The following FBXO4 variants were observed in gnomAD, a reference collection of about 807,000 sequenced individuals.
The protein encoded by FBXO4 is F-box only protein 4.
A neutral mutation model predicts 43.7 loss-of-function variants in FBXO4; 36 were observed. The ratio of observed to expected loss-of-function variants is 0.82; its 90% confidence interval spans 0.63 to 1.09. FBXO4 has a LOEUF of 1.09. Among genes scored for constraint, FBXO4 ranks in the 50% least tolerant of loss-of-function variants. The pLI, the probability that FBXO4 is intolerant of heterozygous loss-of-function variation, is 0.00. For missense variants in FBXO4, 435 were observed against 474.1 expected (o/e 0.92, Z 0.77); for synonymous variants, 180 against 165.6 (o/e 1.09, Z -0.67).
chr5:41,939,453 A>T lies in FBXO4; in HGVS notation c.911A>T (p.Gln304Leu), dbSNP rs750490902. 6.2e-7 allele frequency: 1 copy of T among 1,609,544 alleles called. No homozygotes were observed. The highest frequency in any genetic ancestry group is 2.2e-5 in the East Asian group (1 of 44,836). ...TTACATTCCTTAGGACATGAATGGC[A>T]AGATGAATTTTCTCATATTATGGCA... The part of the protein sequence containing the change: ...NAEAHKRHEW[Q>L]DEFSHIMAMT... The change falls in exon 6 of 7, where the codon CAA becomes CTA. Residue 304 changes from glutamine to leucine, a missense_variant. Physicochemically the swap from Gln to Leu is moderately radical, Grantham distance 113. Transcript: ENST00000281623.
intron 5 of FBXO4, among the ~76,000 whole-genome samples, chr5:41,939,100 G>GC (rs1751929219): frequency 6.6e-6 from 1 of 152,170 alleles, no homozygotes; most frequent in Non-Finnish European, 1.5e-5. Context: ...TTAAAATTCT[G>GC]CCTACCACAA....
At chr5:42,033,106 C>T in the FBXO4 span, among the ~76,000 whole-genome samples, 1 of 152,136 alleles carries the variant, frequency 6.6e-6, no homozygotes, top group Admixed American at 6.5e-5. Flanking sequence ...ACAAATTCCT[C>T]CCCACTGTTC....
At chr5:41,976,910 T>G in the FBXO4 span, among the ~76,000 whole-genome samples, 1 of 152,338 alleles carries the variant, frequency 6.6e-6, no homozygotes, top group African/African-American at 2.4e-5. Context: ...CTGTGAAATC[T>G]AGGAGAAAGC....
At chr5:41,966,226 A>G in the FBXO4 span, among the ~76,000 whole-genome samples, 1 of 152,186 alleles carries the variant, frequency 6.6e-6, no homozygotes, top group Non-Finnish European at 1.5e-5. Context: ...CAGCACACCA[A>G]CATGGCACAT....
the FBXO4 span, among the ~76,000 whole-genome samples, chr5:41,951,013 G>A: frequency 6.6e-6 from 1 of 152,130 alleles, no homozygotes. Context: ...GTTGAGCAAT[G>A]AGAACACATG....
At chr5:41,997,328 G>A in the FBXO4 span, among the ~76,000 whole-genome samples, 4 of 152,210 alleles carry the variant, frequency 2.6e-5, no homozygotes, top group Non-Finnish European at 5.9e-5. Context: ...ATGAGATGTG[G>A]TGAGAATCAC....
chr5:41,925,547 G>C, intron 1 of FBXO4, 49 bp downstream of exon 1: 1 of 1,270,348 alleles, frequency 7.9e-7, no homozygotes, highest in South Asian at 2.6e-5. Flanking sequence ...GGCCCGGGCC[G>C]GAGGGACCTC....
At chr5:41,955,011 C>T in the FBXO4 span, among the ~76,000 whole-genome samples, 1 of 152,068 alleles carries the variant, frequency 6.6e-6, no homozygotes, top group Non-Finnish European at 1.5e-5. Flanking sequence ...TATGACACTC[C>T]CTCTCCAGAG....
chr5:42,000,661 C>A, the FBXO4 span, among the ~76,000 whole-genome samples: 1 of 152,088 alleles, frequency 6.6e-6, no homozygotes, highest in South Asian at 2.1e-4. Context: ...ATTGCCAAGA[C>A]CAACGACAAA....
At chr5:41,955,920 A>T in the FBXO4 span, among the ~76,000 whole-genome samples, 4 of 152,202 alleles carry the variant, frequency 2.6e-5, no homozygotes, top group African/African-American at 9.6e-5. Context: ...TCTAGACTCA[A>T]TACTGCTCTG....
chr5:42,001,391 A>G, the FBXO4 span, among the ~76,000 whole-genome samples: 1 of 152,060 alleles, frequency 6.6e-6, no homozygotes, highest in Non-Finnish European at 1.5e-5. Flanking sequence ...CACCATGCGC[A>G]GCTCATTTTG....
the FBXO4 span, among the ~76,000 whole-genome samples, chr5:42,004,943 A>T: frequency 6.6e-6 from 1 of 152,138 alleles, no homozygotes; most frequent in Admixed American, 6.6e-5. Context: ...GGACGGAGGC[A>T]TTGATTGATT....
chr5:41,978,881 T>A, the FBXO4 span, among the ~76,000 whole-genome samples: 11 of 152,234 alleles, frequency 7.2e-5, no homozygotes, highest in Admixed American at 2.0e-4. Flanking sequence ...TTCTTGGAAC[T>A]TGGTGTTGAG....
At chr5:42,010,549 A>G in the FBXO4 span, among the ~76,000 whole-genome samples, 3 of 152,014 alleles carry the variant, frequency 2.0e-5, no homozygotes, top group East Asian at 5.8e-4. Flanking sequence ...TAAGACTGAA[A>G]AATATTTCAC....
the FBXO4 span, among the ~76,000 whole-genome samples, chr5:42,012,064 A>G: frequency 6.6e-6 from 1 of 152,346 alleles, no homozygotes; most frequent in Non-Finnish European, 1.5e-5. Context: ...AGGTTTCAGA[A>G]GAAAAGTTAT....
the FBXO4 span, among the ~76,000 whole-genome samples, chr5:41,986,976 C>G: frequency 6.6e-6 from 1 of 152,108 alleles, no homozygotes; most frequent in Non-Finnish European, 1.5e-5. Flanking sequence ...AAAATGTCCT[C>G]TAGTTTAAAT....
the FBXO4 span, among the ~76,000 whole-genome samples, chr5:42,017,860 T>C: frequency 6.6e-6 from 1 of 152,110 alleles, no homozygotes; most frequent in African/African-American, 2.4e-5. Flanking sequence ...GGCACCTATA[T>C]TGATTCCATC....
At chr5:42,019,718 A>G in the FBXO4 span, among the ~76,000 whole-genome samples, 3 of 151,762 alleles carry the variant, frequency 2.0e-5, no homozygotes, top group African/African-American at 4.8e-5. Context: ...CCAAGAAAGA[A>G]AGAAAAAAGA....
At chr5:41,942,365 G>T (rs1008968695), downstream of FBXO4, among the ~76,000 whole-genome samples, 1 of 151,574 alleles carries the variant, frequency 6.6e-6, no homozygotes, top group East Asian at 1.9e-4. Flanking sequence ...TATGATAGAA[G>T]AGTGGTTTAA....
Sources: allele counts gnomAD v4.1 joint callset (sites outside exome capture counted in the v4.1 genomes callset), GRCh38; gene constraint gnomAD v4.1.1; transcripts MANE v1.5; gene names NCBI Gene and HGNC (gene_info 2026-07-23, HGNC 2026-07-21).